UTS2B: variants seen among roughly 807,000 people sequenced by gnomAD.
UTS2B encodes the protein urotensin-2B.
In UTS2B, 21 loss-of-function variants were observed where a neutral mutation model predicts 19.2. That is an observed-to-expected ratio of 1.09 (90% CI 0.78 to 1.58). The LOEUF is 1.58. Ranked by LOEUF, UTS2B falls within the 40% of genes most tolerant of loss-of-function variation. The pLI, the probability that UTS2B is intolerant of heterozygous loss-of-function variation, is 0.00. For missense variants in UTS2B, 138 were observed against 130.3 expected (o/e 1.06, Z -0.29); for synonymous variants, 57 against 50.2 (o/e 1.14, Z -0.58).
chr3:191,341,326 A>G, the UTS2B span, among the ~76,000 whole-genome samples: 4 of 152,176 alleles, frequency 2.6e-5, no homozygotes, highest in African/African-American at 9.6e-5. Flanking sequence ...CGCCCTTCAC[A>G]TACCTTATCT....
rs773399222 is a variant in UTS2B at position 191,268,460 on chromosome 3, T to C, written c.335-19A>G. Reference sequence around the variant, plus strand: ...AAGCAAGCTAAAGAAGAAAACAAAATACATTTTTTATTAGAAGTATATTTG... The same window carrying C: ...AAGCAAGCTAAAGAAGAAAACAAAACACATTTTTTATTAGAAGTATATTTG... On this transcript the variant is annotated intron_variant, in intron 8 of 8. Coordinates refer to ENST00000340524, the MANE Select transcript of UTS2B (RefSeq NM_198152.5). 2 of 1,522,792 alleles carry C rather than the reference T, an allele frequency of 1.3e-6. No individual in the cohort carries two copies. Among genetic ancestry groups the C allele is most frequent in the African/African-American group, 1.4e-5 (1 of 72,496 alleles). The allele number at this position is 1,522,792 out of a possible 1,614,324, so 94.3% of individuals were successfully genotyped here. A position where few individuals can be genotyped will look rare whatever the true frequency, so the allele number is the denominator to read the frequency against.
At chr3:191,310,556 GA>G (rs1338852131) in intron 3 of UTS2B, among the ~76,000 whole-genome samples, 1 of 152,158 alleles carries the variant, frequency 6.6e-6, no homozygotes, top group Non-Finnish European at 1.5e-5. Flanking sequence ...TGCCAATGTT[GA>G]TGCTCTGGCC....
At chr3:191,300,343 T>C (rs1219708756) in intron 4 of UTS2B, among the ~76,000 whole-genome samples, 1 of 151,582 alleles carries the variant, frequency 6.6e-6, no homozygotes, top group Non-Finnish European at 1.5e-5. Context: ...CCACCGTGCC[T>C]GGCCTGTAGC....
chr3:191,337,955 T>C, the UTS2B span, among the ~76,000 whole-genome samples: 39 of 152,192 alleles, frequency 2.6e-4, 1 homozygote, highest in Admixed American at 2.4e-3. Context: ...ATCACCAAAT[T>C]TTTCATCTTG....
At chr3:191,344,619 C>T in the UTS2B span, among the ~76,000 whole-genome samples, 12,854 of 152,172 alleles carry the variant, frequency 0.084, 615 homozygotes, top group East Asian at 0.21. Flanking sequence ...CGCTCTGTCA[C>T]GCAGGCTGGA....
intron 4 of UTS2B, among the ~76,000 whole-genome samples, chr3:191,301,690 C>T (rs922588708): frequency 3.3e-5 from 5 of 151,598 alleles, no homozygotes; most frequent in African/African-American, 7.3e-5. Flanking sequence ...GGGGTTTCAC[C>T]GAGTTAGCCA....
the UTS2B span, among the ~76,000 whole-genome samples, chr3:191,344,261 G>T: frequency 1.3e-5 from 2 of 152,130 alleles, no homozygotes; most frequent in African/African-American, 4.8e-5. Flanking sequence ...CTGTCATACC[G>T]TCACGTTGTG....
intron 2 of UTS2B, among the ~76,000 whole-genome samples, chr3:191,317,193 C>T (rs1186321960): frequency 3.9e-5 from 6 of 152,218 alleles, no homozygotes; most frequent in African/African-American, 9.6e-5. Flanking sequence ...TCCAGTGCGG[C>T]GCTCAGTGCT....
At chr3:191,315,824 T>C (rs903716992) in intron 3 of UTS2B, among the ~76,000 whole-genome samples, 11 of 152,254 alleles carry the variant, frequency 7.2e-5, no homozygotes, top group Non-Finnish European at 1.5e-4. Context: ...CAGTATTTCC[T>C]ATGAAAAATT....
chr3:191,305,027 A>G (rs1444555362), intron 3 of UTS2B, among the ~76,000 whole-genome samples: 2 of 152,174 alleles, frequency 1.3e-5, no homozygotes, highest in Admixed American at 6.5e-5. Context: ...ATGGCTGCAG[A>G]GTATACCATG....
chr3:191,286,727 G>T (rs2631671), intron 4 of UTS2B, among the ~76,000 whole-genome samples: 76,449 of 151,438 alleles, frequency 0.5, 20,999 homozygotes, highest in Middle Eastern at 0.63. Flanking sequence ...AAACGTAGAC[G>T]AAGCCCAAAG....
At chr3:191,320,705 A>G (rs1717591751) in intron 2 of UTS2B, among the ~76,000 whole-genome samples, 1 of 152,344 alleles carries the variant, frequency 6.6e-6, no homozygotes, top group Admixed American at 6.5e-5. Context: ...AGTTGACTGA[A>G]TCTGCTGAAG....
intron 3 of UTS2B, among the ~76,000 whole-genome samples, chr3:191,309,809 T>C (rs1257622899): frequency 6.6e-6 from 1 of 152,182 alleles, no homozygotes; most frequent in Non-Finnish European, 1.5e-5. Flanking sequence ...CCTTTTGCCT[T>C]CCGCCATGAT....
the UTS2B span, among the ~76,000 whole-genome samples, chr3:191,341,796 A>G: frequency 1.3e-5 from 2 of 152,240 alleles, no homozygotes; most frequent in South Asian, 2.1e-4. Context: ...CTTAAAATCT[A>G]TGTGTAACTC....
At chr3:191,340,937 G>A in the UTS2B span, among the ~76,000 whole-genome samples, 1 of 152,112 alleles carries the variant, frequency 6.6e-6, no homozygotes, top group Non-Finnish European at 1.5e-5. Context: ...CTGGGCTCAA[G>A]TGATCCTTCT....
intron 3 of UTS2B, among the ~76,000 whole-genome samples, chr3:191,308,393 A>G (rs996884380): frequency 1.3e-5 from 2 of 152,214 alleles, no homozygotes; most frequent in African/African-American, 4.8e-5. Context: ...TCAGTTAGTC[A>G]AAGTAGTATT....
intron 8 of UTS2B, among the ~76,000 whole-genome samples, chr3:191,270,939 C>T (rs1007465657): frequency 2.0e-5 from 3 of 152,088 alleles, no homozygotes; most frequent in Non-Finnish European, 4.4e-5. Flanking sequence ...GTTGTGGTGG[C>T]TCATGCCTGT....
the UTS2B span, among the ~76,000 whole-genome samples, chr3:191,343,665 A>G: frequency 1.3e-5 from 2 of 152,340 alleles, no homozygotes; most frequent in East Asian, 3.9e-4. Context: ...AAGAAGGTAC[A>G]GGAGACAAGA....
intron 7 of UTS2B, among the ~76,000 whole-genome samples, chr3:191,275,930 A>G (rs1009420517): frequency 2.0e-5 from 3 of 152,092 alleles, no homozygotes; most frequent in Non-Finnish European, 4.4e-5. Flanking sequence ...GGGCAAAGGA[A>G]GTCACCTCTG....
Sources: allele counts gnomAD v4.1 joint callset (sites outside exome capture counted in the v4.1 genomes callset), GRCh38; gene constraint gnomAD v4.1.1; transcripts MANE v1.5; gene names NCBI Gene and HGNC (gene_info 2026-07-23, HGNC 2026-07-21).